The following RXFP1 variants were observed in gnomAD, a reference collection of about 807,000 sequenced individuals.
RXFP1 encodes relaxin family peptide receptor 1.
A neutral mutation model predicts 89.8 loss-of-function variants in RXFP1; 73 were observed. The observed-to-expected ratio is 0.81, with a 90% CI of 0.67 to 0.99. The LOEUF (loss-of-function observed/expected upper bound fraction) is 0.99, where lower values mean the gene tolerates loss of function less well. Among genes scored for constraint, RXFP1 ranks in the 50% least tolerant of loss-of-function variants. The probability of loss-of-function intolerance (pLI) is 0.00; values close to 1 mark genes in which losing one functional copy is unlikely to be tolerated. For missense variants in RXFP1, 793 were observed against 895.5 expected, an observed-to-expected ratio of 0.89 and a Z score of 1.46; for synonymous variants, 277 against 305.5, an observed-to-expected ratio of 0.91 and a Z score of 0.97.
chr4:158,532,078 T>C (rs984840150), intron 1 of RXFP1, among the ~76,000 whole-genome samples: 26 of 151,862 alleles, frequency 1.7e-4, no homozygotes, highest in Non-Finnish European at 2.5e-4. Flanking sequence ...TTCAGAATTT[T>C]CCCCCCCTCC....
chr4:158,563,963 A>G (rs1186639991), intron 1 of RXFP1, among the ~76,000 whole-genome samples: 1 of 148,544 alleles, frequency 6.7e-6, no homozygotes, highest in African/African-American at 2.4e-5. Flanking sequence ...ATGTTATAAT[A>G]TATAACATAT....
At chr4:158,577,955 A>G (rs1196249705) in intron 2 of RXFP1, among the ~76,000 whole-genome samples, 1 of 152,224 alleles carries the variant, frequency 6.6e-6, no homozygotes, top group Non-Finnish European at 1.5e-5. Flanking sequence ...ATATTTCAGC[A>G]CAAAGAGCAT....
chr4:158,646,763 T>C, intron 15 of RXFP1, 28 bp from the exon 16 acceptor site: 1 of 1,532,920 alleles, frequency 6.5e-7, no homozygotes, highest in East Asian at 2.3e-5. Flanking sequence ...TTTATTTCTC[T>C]AAATTTGTGA....
intron 11 of RXFP1, among the ~76,000 whole-genome samples, chr4:158,633,057 C>T (rs1768412639): frequency 1.3e-5 from 2 of 151,940 alleles, no homozygotes; most frequent in African/African-American, 4.8e-5. Flanking sequence ...GTAATCTCAC[C>T]TACTGGGGAG....
intron 2 of RXFP1, among the ~76,000 whole-genome samples, chr4:158,589,310 C>T (rs956608407): frequency 6.6e-6 from 1 of 152,158 alleles, no homozygotes; most frequent in Non-Finnish European, 1.5e-5. Flanking sequence ...ATATCAGATA[C>T]CCATATCGAT....
intron 1 of RXFP1, among the ~76,000 whole-genome samples, chr4:158,528,866 C>G (rs1477835105): frequency 2.0e-5 from 3 of 152,234 alleles, no homozygotes; most frequent in Non-Finnish European, 4.4e-5. Flanking sequence ...GCACCAAATA[C>G]CTGTGTGCTT....
At chr4:158,527,322 C>A (rs1217435080) in intron 1 of RXFP1, among the ~76,000 whole-genome samples, 1 of 151,774 alleles carries the variant, frequency 6.6e-6, no homozygotes, top group Non-Finnish European at 1.5e-5. Flanking sequence ...GCAGGAGGAT[C>A]ATTTGAGGTC....
chr4:158,587,183 A>C (rs1709096066), intron 2 of RXFP1, among the ~76,000 whole-genome samples: 1 of 152,226 alleles, frequency 6.6e-6, no homozygotes, highest in South Asian at 2.1e-4. Context: ...GTAGGCTGCA[A>C]GGTCGAAGCC....
At chr4:158,601,594 C>T (rs1207537613) in intron 4 of RXFP1, among the ~76,000 whole-genome samples, 1 of 152,204 alleles carries the variant, frequency 6.6e-6, no homozygotes, top group Non-Finnish European at 1.5e-5. Context: ...TAGACTCATA[C>T]GTAGTCCCAG....
intron 2 of RXFP1, among the ~76,000 whole-genome samples, chr4:158,576,727 T>C (rs1561050136): frequency 6.6e-6 from 1 of 152,106 alleles, no homozygotes; most frequent in African/African-American, 2.4e-5. Flanking sequence ...AAAACCGGTA[T>C]GCTAGTAGTG....
rs199512843 is a variant in RXFP1 at position 158,544,885 on chromosome 4, G to A, written c.49+22860G>A. Among the ~76,000 whole-genome samples, 17 of 152,256 alleles carry A rather than the reference G, an allele frequency of 1.1e-4. No individual in the cohort carries two copies. In the East Asian group the frequency reaches 2.7e-3, roughly 24 times the overall value. Reference sequence around the variant, plus strand: ...GGGTTGATTCCAAGTCCTTGCTATTGTGAATAGTGCCGCAATAAACATACA... The same window carrying A: ...GGGTTGATTCCAAGTCCTTGCTATTATGAATAGTGCCGCAATAAACATACA... On this transcript the variant is annotated intron_variant, in intron 1 of 17. Transcript: ENST00000307765.
intron 14 of RXFP1, among the ~76,000 whole-genome samples, chr4:158,643,902 C>G (rs1282125542): frequency 6.6e-6 from 1 of 152,076 alleles, no homozygotes; most frequent in Non-Finnish European, 1.5e-5. Flanking sequence ...GCATTTGTTA[C>G]TTTTTGGTCT....
chr4:158,598,637 G>A (rs962460929), intron 3 of RXFP1, among the ~76,000 whole-genome samples: 3 of 151,742 alleles, frequency 2.0e-5, no homozygotes, highest in Non-Finnish European at 4.4e-5. Context: ...TAACACTATC[G>A]CTACAGCTCC....
chr4:158,636,591 C>T (rs1032630165), intron 12 of RXFP1, among the ~76,000 whole-genome samples: 1 of 152,160 alleles, frequency 6.6e-6, no homozygotes, highest in African/African-American at 2.4e-5. Context: ...GTACAATCAA[C>T]CCTGTGAGGC....
rs115461657 is a variant in RXFP1, at chr4:158,554,272, G to A, written c.50-18426G>A. ...CACTCTTGAATTATCTGTAAATAAC[G>A]TCAGAGTTTTTTTTTATTATTAAAA... On this transcript the variant is annotated intron_variant, in intron 1 of 17. Transcript: ENST00000307765. Among the ~76,000 whole-genome samples the A allele has an allele frequency of 3.2e-3, 490 of 152,092 alleles. 1 individual carries two copies. The highest frequency in any genetic ancestry group is 0.011 in the African/African-American group (441 of 41,514).
intron 1 of RXFP1, among the ~76,000 whole-genome samples, chr4:158,542,607 A>G (rs371674484): frequency 6.6e-6 from 1 of 152,124 alleles, no homozygotes; most frequent in South Asian, 2.1e-4. Context: ...TTGTTCCTCT[A>G]ATTGTTGTCA....
intron 1 of RXFP1, 73 bp downstream of exon 1, chr4:158,522,098 C>A: frequency 1.2e-6 from 1 of 833,842 alleles, no homozygotes; most frequent in Non-Finnish European, 1.9e-6. Flanking sequence ...AATGTTTACT[C>A]CTTATATTTA....
intron 9 of RXFP1, among the ~76,000 whole-genome samples, chr4:158,623,853 G>A (rs1766164548): frequency 6.6e-6 from 1 of 152,100 alleles, no homozygotes; most frequent in Non-Finnish European, 1.5e-5. Context: ...TGAATATGAT[G>A]GCTTGAGCTT....
intron 15 of RXFP1, chr4:158,646,169 AC>A (rs1771505074): frequency 3.5e-6 from 1 of 287,382 alleles, no homozygotes; most frequent in Admixed American, 4.8e-5. Flanking sequence ...CTAAAAAGAG[AC>A]AGAAAAAGAT....
Sources: allele counts gnomAD v4.1 joint callset (sites outside exome capture counted in the v4.1 genomes callset), GRCh38; gene constraint gnomAD v4.1.1; transcripts MANE v1.5; gene names NCBI Gene and HGNC (gene_info 2026-07-23, HGNC 2026-07-21).